The following ALLC variants were observed in gnomAD, a reference collection of about 807,000 sequenced individuals.
The protein encoded by ALLC is allantoicase, also known as probable inactive allantoicase.
A neutral mutation model predicts 45.0 loss-of-function variants in ALLC; 40 were observed. That is an observed-to-expected ratio of 0.89 (90% CI 0.69 to 1.16). ALLC has a LOEUF of 1.16. ALLC is among the 50% of genes most tolerant of loss of function. The pLI is 0.00. For missense variants in ALLC, 488 were observed against 493.1 expected, an observed-to-expected ratio of 0.99 and a Z score of 0.10; for synonymous variants, 176 against 178.1, an observed-to-expected ratio of 0.99 and a Z score of 0.09.
At chr2:3,656,373 C>T (rs1412194907), upstream of ALLC, among the ~76,000 whole-genome samples, 1 of 152,220 alleles carries the variant, frequency 6.6e-6, no homozygotes, top group African/African-American at 2.4e-5. Context: ...TGTTCTCCTC[C>T]CGCCCCACAG....
At chr2:3,673,915 C>A (rs757908424) in intron 2 of ALLC, among the ~76,000 whole-genome samples, 160 bp from the exon 3 acceptor site, 6 of 152,230 alleles carry the variant, frequency 3.9e-5, no homozygotes, top group Non-Finnish European at 5.9e-5. Flanking sequence ...GAAATGGAAG[C>A]ATTTCAAGGC....
At chr2:3,699,625 T>C (rs956178802) in intron 10 of ALLC, among the ~76,000 whole-genome samples, 3 of 152,280 alleles carry the variant, frequency 2.0e-5, no homozygotes, top group South Asian at 2.1e-4. Context: ...ACCAGCAGGG[T>C]ATATATGTTC....
At chr2:3,660,036 TC>T (rs1202263024) in intron 1 of ALLC, among the ~76,000 whole-genome samples, 4 of 152,072 alleles carry the variant, frequency 2.6e-5, no homozygotes, top group African/African-American at 9.7e-5. Flanking sequence ...TGGATGTTTG[TC>T]CCCCCAAACC....
intron 1 of ALLC, among the ~76,000 whole-genome samples, chr2:3,670,206 G>A (rs755100005): frequency 1.3e-5 from 2 of 152,214 alleles, no homozygotes; most frequent in Non-Finnish European, 2.9e-5. Flanking sequence ...AGACAAAATG[G>A]TATTTTAGAA....
At chr2:3,676,989 T>C (rs934256721) in intron 3 of ALLC, among the ~76,000 whole-genome samples, 2 of 152,228 alleles carry the variant, frequency 1.3e-5, no homozygotes, top group South Asian at 2.1e-4. Context: ...GGTTTCACCA[T>C]GTTGGCCAGG....
chr2:3,656,791 T>A (rs1479179446), upstream of ALLC, among the ~76,000 whole-genome samples: 2 of 144,988 alleles, frequency 1.4e-5, no homozygotes, highest in African/African-American at 5.7e-5. Context: ...AGGGCAGAGG[T>A]CAGGGTGTGG....
At chr2:3,659,481 C>T (rs1666517382) in intron 1 of ALLC, among the ~76,000 whole-genome samples, 1 of 152,194 alleles carries the variant, frequency 6.6e-6, no homozygotes, top group Non-Finnish European at 1.5e-5. Context: ...TGGTCTCAGC[C>T]ACAGCAGAAA....
At chr2:3,655,036 G>A (rs1250179968), upstream of ALLC, among the ~76,000 whole-genome samples, 1 of 152,254 alleles carries the variant, frequency 6.6e-6, no homozygotes, top group Admixed American at 6.5e-5. Context: ...GTGTCCGTGG[G>A]CTACTCTCCT....
At chr2:3,700,952 T>C (rs952271888) in intron 10 of ALLC, among the ~76,000 whole-genome samples, 2 of 152,170 alleles carry the variant, frequency 1.3e-5, no homozygotes, top group South Asian at 4.1e-4. Flanking sequence ...CTAACCCCAC[T>C]GAGCCCACGA....
chr2:3,697,184 A>C (rs551051067), intron 9 of ALLC, among the ~76,000 whole-genome samples, 164 bp from the exon 10 acceptor site: 1 of 152,354 alleles, frequency 6.6e-6, no homozygotes, highest in Non-Finnish European at 1.5e-5. Flanking sequence ...GATAGCAAAG[A>C]GGCAATTTAC....
chr2:3,665,307 T>C (rs6705562), intron 1 of ALLC, among the ~76,000 whole-genome samples: 1 of 151,410 alleles, frequency 6.6e-6, no homozygotes, highest in Non-Finnish European at 1.5e-5. Context: ...AGTTGAAGTG[T>C]TTTTTTTTAA....
At chr2:3,696,489 C>G (rs1667677518) in intron 9 of ALLC, 141 bp downstream of exon 9, 2 of 653,548 alleles carry the variant, frequency 3.1e-6, no homozygotes, top group African/African-American at 3.7e-5. Flanking sequence ...TTATATTTTC[C>G]AAATTTCCCA....
chr2:3,685,684 G>A (rs1667320365), intron 7 of ALLC, among the ~76,000 whole-genome samples: 2 of 150,840 alleles, frequency 1.3e-5, no homozygotes, highest in South Asian at 4.2e-4. Flanking sequence ...TTTCAACTGA[G>A]GTGGTATGAC....
rs756879453 is a variant in ALLC at position 3,702,399 on chromosome 2, A to G, written c.1012A>G (p.Thr338Ala). The change falls in exon 12 of 12, where the codon ACC becomes GCC. Residue 338 changes from threonine (T) to alanine (A), a missense_variant. Physicochemically the swap from Thr to Ala is moderately conservative, Grantham distance 58. Transcript: ENST00000252505. The stretch of plus-strand genomic sequence containing the variant: ...CCAAAGTCATCTGTTCGATAGCCTG[A>G]CCCTAGAGCTCCAAGATGTCATCAC... Reference protein sequence around the residue: ...PNQSHLFDSLTLELQDVITHA... With the variant: ...PNQSHLFDSLALELQDVITHA... 3 of 1,613,118 alleles carry G rather than the reference A, an allele frequency of 1.9e-6. No homozygotes were observed. Among genetic ancestry groups the G allele is most frequent in the African/African-American group, 1.3e-5 (1 of 74,996 alleles).
chr2:3,671,773 C>T (rs1409632425), intron 2 of ALLC, among the ~76,000 whole-genome samples: 3 of 139,186 alleles, frequency 2.2e-5, no homozygotes, highest in East Asian at 2.0e-4. Context: ...GGTCCTCTGG[C>T]TCTGGTTAGA....
At chr2:3,678,912 A>C (rs1009020299) in intron 4 of ALLC, among the ~76,000 whole-genome samples, 19 of 152,232 alleles carry the variant, frequency 1.2e-4, no homozygotes, top group Non-Finnish European at 2.5e-4. Context: ...AGGTCTCTTT[A>C]TCCCCGTTTA....
At chr2:3,678,430 GA>G (rs1558540070) in intron 3 of ALLC, 37 bp from the exon 4 acceptor site, 36 of 1,532,642 alleles carry the variant, frequency 2.3e-5, no homozygotes, top group Non-Finnish European at 3.2e-5. Flanking sequence ...GAGATCACAT[GA>G]ATGTTAATGA....
At chr2:3,648,555 T>TG in the ALLC span, among the ~76,000 whole-genome samples, 1 of 152,174 alleles carries the variant, frequency 6.6e-6, no homozygotes, top group Non-Finnish European at 1.5e-5. Flanking sequence ...TCTGGGGTGC[T>TG]GCCCACAGAG....
chr2:3,675,967 T>A (rs4849979), intron 3 of ALLC, among the ~76,000 whole-genome samples: 123,604 of 151,900 alleles, frequency 0.81, 50,511 homozygotes, highest in East Asian at 0.9. Context: ...TGCCGCTGAT[T>A]CCCTCAGGTG....
Sources: gnomAD v4.1 joint callset for allele counts (sites outside exome capture counted in the v4.1 genomes callset) on GRCh38, gnomAD v4.1.1 for gene constraint, MANE v1.5 for transcripts, NCBI Gene and HGNC (gene_info 2026-07-23, HGNC 2026-07-21) for gene names.